The following ABTB2 variants were observed in gnomAD, a reference collection of about 807,000 sequenced individuals.
ABTB2 encodes ankyrin repeat and BTB/POZ domain-containing protein 2.
A neutral mutation model predicts 104.1 loss-of-function variants in ABTB2; 56 were observed. That is an observed-to-expected ratio of 0.54 (90% confidence interval 0.43 to 0.67). The LOEUF (loss-of-function observed/expected upper bound fraction) is 0.67. Ranked by LOEUF, ABTB2 falls within the 30% of genes least tolerant of loss-of-function variation. ABTB2 has a pLI of 0.00. For synonymous variants in ABTB2, 606 were observed against 608.2 expected, an observed-to-expected ratio of 1.00 and a Z score of 0.05; for missense variants, 1,279 against 1,407.7, an observed-to-expected ratio of 0.91 and a Z score of 1.46.
At chr11:34,212,205 C>T (rs1021146195) in intron 1 of ABTB2, among the ~76,000 whole-genome samples, 5 of 152,034 alleles carry the variant, frequency 3.3e-5, no homozygotes, top group Non-Finnish European at 7.4e-5. Flanking sequence ...TACAGGCACC[C>T]ACCACCATGC....
rs577880849 is a variant in ABTB2, at chr11:34,184,183, G to A, written c.1245-10876C>T. On this transcript the variant is annotated intron_variant, in intron 3 of 16. Coordinates refer to ENST00000435224, the MANE Select transcript of ABTB2 (RefSeq NM_145804.3). ...CTCTCACGAAAGGGGGAGCTGCTTC[G>A]TCTTTCATTCCTAGAAGCTTGAGTT... 2.6e-5 allele frequency among the ~76,000 whole-genome samples: 4 copies of A among 152,068 alleles called. No homozygotes were observed. The East Asian group carries it at 7.7e-4, about 29-fold the overall frequency.
intron 1 of ABTB2, among the ~76,000 whole-genome samples, chr11:34,251,885 C>A (rs1854061281): frequency 1.3e-5 from 2 of 152,276 alleles, no homozygotes; most frequent in South Asian, 2.1e-4. Flanking sequence ...AGATCCAAAT[C>A]ATTCCTGGTA....
At chr11:34,208,156 T>A (rs1402243297) in intron 1 of ABTB2, among the ~76,000 whole-genome samples, 1 of 152,228 alleles carries the variant, frequency 6.6e-6, no homozygotes, top group East Asian at 1.9e-4. Flanking sequence ...TACATTCTCT[T>A]AACACCTCGA....
chr11:34,168,150 A>G (rs1852827540), intron 5 of ABTB2, among the ~76,000 whole-genome samples, 158 bp from the exon 6 acceptor site: 1 of 152,202 alleles, frequency 6.6e-6, no homozygotes, highest in East Asian at 1.9e-4. Context: ...GCTGCTGGGC[A>G]CAGGGCATGG....
At chr11:34,240,610 T>TG (rs2133062881) in intron 1 of ABTB2, among the ~76,000 whole-genome samples, 1 of 152,360 alleles carries the variant, frequency 6.6e-6, no homozygotes, top group East Asian at 1.9e-4. Context: ...CGCCTTTTTT[T>TG]GAGATGGGGT....
At chr11:34,339,071 T>C (rs901372963) in intron 1 of ABTB2, among the ~76,000 whole-genome samples, 2 of 152,220 alleles carry the variant, frequency 1.3e-5, no homozygotes, top group Non-Finnish European at 2.9e-5. Context: ...CTGTTTTATA[T>C]ACATTTTGCT....
intron 1 of ABTB2, among the ~76,000 whole-genome samples, chr11:34,355,572 T>C (rs1299312444): frequency 6.6e-6 from 1 of 152,226 alleles, no homozygotes; most frequent in African/African-American, 2.4e-5. Context: ...ATTTCAGCTA[T>C]TATGATTATG....
chr11:34,235,800 G>T (rs1183527869), intron 1 of ABTB2, among the ~76,000 whole-genome samples: 1 of 152,218 alleles, frequency 6.6e-6, no homozygotes, highest in East Asian at 1.9e-4. Context: ...GCATTAATTA[G>T]CTGCAGGAGG....
chr11:34,329,328 T>C (rs1855104036), intron 1 of ABTB2, among the ~76,000 whole-genome samples: 1 of 152,146 alleles, frequency 6.6e-6, no homozygotes, highest in Admixed American at 6.5e-5. Context: ...AGACTGGTTT[T>C]TCCACTCCAC....
chr11:34,289,812 C>A (rs911617320), intron 1 of ABTB2, among the ~76,000 whole-genome samples: 1 of 152,186 alleles, frequency 6.6e-6, no homozygotes, highest in Non-Finnish European at 1.5e-5. Context: ...GTAACCAAAT[C>A]CTGAGAGATG....
At chr11:34,271,532 A>C (rs1854313659) in intron 1 of ABTB2, among the ~76,000 whole-genome samples, 1 of 152,116 alleles carries the variant, frequency 6.6e-6, no homozygotes, top group Admixed American at 6.6e-5. Context: ...TGAGCTCAGG[A>C]GTTTGAGACT....
At chr11:34,166,895 G>A (rs1185789800) in intron 7 of ABTB2, among the ~76,000 whole-genome samples, 4 of 152,250 alleles carry the variant, frequency 2.6e-5, no homozygotes, top group African/African-American at 9.6e-5. Flanking sequence ...TAGAATTCAC[G>A]AGGGAGGAGA....
In ABTB2 at chr11:34,350,872, A is replaced by T. The variant is rs6484709; in HGVS notation, c.883+5829T>A. ...GCAAAATGGGACTTAGTCATTATTG[A>T]GCTTAGTTATTATTGAGCTGTGAAT... On this transcript the variant is annotated intron_variant, in intron 1 of 16. Coordinates refer to ENST00000435224, the MANE Select transcript of ABTB2 (RefSeq NM_145804.3). Among the ~76,000 whole-genome samples, 160 of 152,304 alleles carry T rather than the reference A, an allele frequency of 1.1e-3. 2 individuals carry two copies. Among genetic ancestry groups the T allele is most frequent in the African/African-American group, 3.7e-3 (154 of 41,558 alleles).
At chr11:34,224,019 A>C (rs1853657577) in intron 1 of ABTB2, among the ~76,000 whole-genome samples, 1 of 152,056 alleles carries the variant, frequency 6.6e-6, no homozygotes, top group African/African-American at 2.4e-5. Flanking sequence ...GACTAAGAGG[A>C]TCATGCCCCT....
chr11:34,325,788 T>G (rs556452426), intron 1 of ABTB2, among the ~76,000 whole-genome samples: 1 of 151,802 alleles, frequency 6.6e-6, no homozygotes, highest in East Asian at 1.9e-4. Flanking sequence ...TCATCTCTAC[T>G]GCAAATACAA....
intron 1 of ABTB2, among the ~76,000 whole-genome samples, chr11:34,316,566 T>A (rs1412481401): frequency 6.6e-6 from 1 of 152,204 alleles, no homozygotes; most frequent in East Asian, 1.9e-4. Context: ...AACGTGTTTG[T>A]CGCAAATATT....
intron 1 of ABTB2, among the ~76,000 whole-genome samples, chr11:34,306,461 G>A (rs573808209): frequency 6.6e-6 from 1 of 152,006 alleles, no homozygotes; most frequent in African/African-American, 2.4e-5. Flanking sequence ...TGGCCAGGAT[G>A]GTCTCGAACT....
intron 1 of ABTB2, among the ~76,000 whole-genome samples, chr11:34,286,744 C>G (rs1854510905): frequency 1.3e-5 from 2 of 152,190 alleles, no homozygotes; most frequent in Non-Finnish European, 2.9e-5. Flanking sequence ...CTCATCATTC[C>G]CAGCAAAACA....
At chr11:34,162,543 TGGAC>T in intron 10 of ABTB2, 29 bp downstream of exon 10, 1 of 1,599,970 alleles carries the variant, frequency 6.3e-7, no homozygotes, top group East Asian at 2.2e-5. Context: ...TATGCATGCA[TGGAC>T]ATGGGTGTGC....
Sources: allele counts gnomAD v4.1 joint callset (sites outside exome capture counted in the v4.1 genomes callset), GRCh38; gene constraint gnomAD v4.1.1; transcripts MANE v1.5; gene names NCBI Gene and HGNC (gene_info 2026-07-23, HGNC 2026-07-21).